TCF12: variants seen among roughly 807,000 people sequenced by gnomAD.
TCF12 encodes transcription factor 12, also known as DNA-binding protein HTF4.
Under a neutral mutation model 86.0 loss-of-function variants are expected in TCF12, and 45 were observed. The ratio of observed to expected loss-of-function variants is 0.52; its 90% confidence interval spans 0.41 to 0.67. The LOEUF is 0.67. Among genes scored for constraint, TCF12 ranks in the 30% least tolerant of loss-of-function variants. The pLI is 0.00. For synonymous variants in TCF12, 330 were observed against 299.6 expected, an observed-to-expected ratio of 1.10 and a Z score of -1.05; for missense variants, 881 against 859.9, an observed-to-expected ratio of 1.02 and a Z score of -0.31.
At chr15:57,206,136 T>A (rs182345168) in intron 8 of TCF12, among the ~76,000 whole-genome samples, 20 of 152,322 alleles carry the variant, frequency 1.3e-4, no homozygotes, top group Admixed American at 1.1e-3. Context: ...TATGGTTGAA[T>A]TATGTAAATG....
rs113919863 is a variant in TCF12, at chr15:57,155,519, G to GC, written c.326-10882dup. Among the ~76,000 whole-genome samples, 225 of 152,254 alleles carry GC rather than the reference G, an allele frequency of 1.5e-3. 5 individuals are homozygous for GC. Among genetic ancestry groups the GC allele is most frequent in the African/African-American group, 5.2e-3 (216 of 41,534 alleles). The stretch of plus-strand genomic sequence containing the variant: ...CCATATTTAAGTCTTAGCAGGCCAG[G>GC]CATGGTGGCTCACCCCTGTAATCCC... On this transcript the variant is annotated intron_variant, in intron 5 of 20. Coordinates refer to ENST00000333725, the MANE Select transcript of TCF12 (RefSeq NM_207037.2).
At chr15:57,181,093 C>T (rs1414950331) in intron 6 of TCF12, among the ~76,000 whole-genome samples, 7 of 151,962 alleles carry the variant, frequency 4.6e-5, no homozygotes, top group African/African-American at 1.7e-4. Flanking sequence ...GGATTACAGG[C>T]GTGAGCCACC....
At chr15:57,193,646 TTA>T (rs1455331909) in intron 7 of TCF12, among the ~76,000 whole-genome samples, 1 of 152,246 alleles carries the variant, frequency 6.6e-6, no homozygotes, top group African/African-American at 2.4e-5. Context: ...CACCAAAAGA[TTA>T]TGTCACATTT....
Position 57,262,094 on chromosome 15 carries a change from G to A in TCF12, c.1468G>A (p.Val490Ile), listed in dbSNP as rs1263744388. The A allele has an allele frequency of 1.2e-6, 2 of 1,606,696 alleles. No individual in the cohort carries two copies. The highest frequency in any genetic ancestry group is 2.2e-5 in the South Asian group (2 of 89,944). Residue 490 changes from valine to isoleucine, a missense_variant and splice_region_variant, in exon 17 of 21, where the codon GTT becomes ATT. By Grantham distance (29) the Val-to-Ile change is conservative (BLOSUM62 3). Around this residue, in one of 3 missense-constraint regions of TCF12, gnomAD observed 766 missense variants for 718.9 expected, o/e 1.07. Coordinates refer to ENST00000333725, the MANE Select transcript of TCF12 (RefSeq NM_207037.2). ...LVASSRSASM[V>I]GTHREDSVSL... ...ATTTTTGGGTTTTCCTTAACTTTAG[G>A]TTGGAACTCATCGGGAAGACTCTGT...
intron 8 of TCF12, among the ~76,000 whole-genome samples, chr15:57,213,280 C>T (rs949450411): frequency 6.6e-6 from 1 of 152,132 alleles, no homozygotes; most frequent in Non-Finnish European, 1.5e-5. Context: ...TAATAAGAAA[C>T]CATTCTTAAA....
In TCF12 at chr15:56,919,638, G is replaced by A. The variant is rs1438131119; in HGVS notation, c.-22-254G>A. On this transcript the variant is annotated intron_variant, in intron 1 of 20. Coordinates refer to ENST00000333725, the MANE Select transcript of TCF12 (RefSeq NM_207037.2). ...GGCAGAGACTGGCTCGGAAACTTGG[G>A]GGAGAGGCGGCGAGTTGCGGGAGCC... 1.3e-5 allele frequency: 4 copies of A among 311,920 alleles called. No individual in the cohort carries two copies. In the East Asian group the frequency reaches 2.4e-4, roughly 18 times the overall value. The allele number at this position is 311,920 out of a possible 1,614,324, so 19.3% of individuals were successfully genotyped here. A position where few individuals can be genotyped will look rare whatever the true frequency, so the allele number is the denominator to read the frequency against.
chr15:57,054,611 A>G (rs905282934), intron 3 of TCF12, among the ~76,000 whole-genome samples: 2 of 152,124 alleles, frequency 1.3e-5, no homozygotes, highest in Admixed American at 1.3e-4. Context: ...CTTCTTTCCC[A>G]GACAGAAGTG....
chr15:56,937,506 C>A (rs1021808383), intron 3 of TCF12, among the ~76,000 whole-genome samples: 11 of 151,886 alleles, frequency 7.2e-5, no homozygotes, highest in African/African-American at 2.7e-4. Flanking sequence ...CAGCAAACAG[C>A]AACAGTTTGA....
chr15:57,223,643 G>GTTTTTTTTTTTTTTGT (rs2058710732), intron 8 of TCF12, among the ~76,000 whole-genome samples: 6 of 69,658 alleles, frequency 8.6e-5, no homozygotes, highest in African/African-American at 2.9e-4. Flanking sequence ...TACCAATGAG[G>GTTTTTTTTTTTTTTGT]TTTTTTTTTT....
At chr15:57,211,966 GCACACACACACACCACACACACACACA>G (rs66642211) in intron 8 of TCF12, among the ~76,000 whole-genome samples, 96,468 of 140,802 alleles carry the variant, frequency 0.69, 33,022 homozygotes, top group Non-Finnish European at 0.79. Flanking sequence ...ACACACACAC[GCACACACACACACCACACACACACACA>G]CACACACACA....
chr15:57,176,864 G>A (rs1437494424), intron 6 of TCF12, among the ~76,000 whole-genome samples: 2 of 152,208 alleles, frequency 1.3e-5, no homozygotes, highest in Non-Finnish European at 2.9e-5. Flanking sequence ...TCAAAGAGTT[G>A]AATATTGGAC....
chr15:56,990,257 G>T (rs947404783), intron 3 of TCF12, among the ~76,000 whole-genome samples: 6 of 134,276 alleles, frequency 4.5e-5, no homozygotes, highest in Non-Finnish European at 7.6e-5. Flanking sequence ...GTGCGTGTGC[G>T]TGTGTGTGTG....
At chr15:57,050,864 A>C (rs957610489) in intron 3 of TCF12, among the ~76,000 whole-genome samples, 16 of 151,844 alleles carry the variant, frequency 1.1e-4, no homozygotes, top group Non-Finnish European at 2.9e-5. Context: ...TCTTTTTTTA[A>C]ATGGTTTTCT....
At position 57,163,498 on chromosome 15, in the gene TCF12, G is replaced by C. The variant is rs148588980; in HGVS notation, c.326-2904G>C. 2.6e-3 allele frequency among the ~76,000 whole-genome samples: 401 copies of C among 152,242 alleles called. 12 individuals carry two copies. Among genetic ancestry groups the C allele is most frequent in the Admixed American group, 0.024 (367 of 15,298 alleles). On this transcript the variant is annotated intron_variant, in intron 5 of 20. Coordinates refer to ENST00000333725, the MANE Select transcript of TCF12 (RefSeq NM_207037.2). ...GAGGGTTGCTTGAGCCCAGGAGTTT[G>C]AGACCAGCCTAGGCCATACTATGAG...
At chr15:56,967,311 A>G (rs1345106135) in intron 3 of TCF12, among the ~76,000 whole-genome samples, 1 of 152,166 alleles carries the variant, frequency 6.6e-6, no homozygotes, top group Non-Finnish European at 1.5e-5. Flanking sequence ...CAAAGAAAAA[A>G]AAAAACGCTG....
At chr15:57,013,527 G>T (rs1346795710) in intron 3 of TCF12, among the ~76,000 whole-genome samples, 3 of 152,094 alleles carry the variant, frequency 2.0e-5, no homozygotes, top group Non-Finnish European at 2.9e-5. Context: ...CACCATGTTG[G>T]CCAGGCTAAT....
intron 3 of TCF12, among the ~76,000 whole-genome samples, chr15:57,024,833 G>T (rs2065724449): frequency 6.6e-6 from 1 of 152,252 alleles, no homozygotes; most frequent in East Asian, 1.9e-4. Context: ...ACTTCCCTTT[G>T]GGATAAGGTA....
intron 3 of TCF12, among the ~76,000 whole-genome samples, chr15:57,014,657 C>T (rs2065040053): frequency 6.6e-6 from 1 of 152,152 alleles, no homozygotes; most frequent in African/African-American, 2.4e-5. Flanking sequence ...CTGCTAGGTA[C>T]ACCCTCCAGG....
At chr15:57,130,324 CAT>C (rs1290746797) in intron 5 of TCF12, among the ~76,000 whole-genome samples, 1 of 151,942 alleles carries the variant, frequency 6.6e-6, no homozygotes. Context: ...GGACCACTGA[CAT>C]ATATTATTGA....
Sources: gnomAD v4.1 joint callset for allele counts (sites outside exome capture counted in the v4.1 genomes callset) on GRCh38, gnomAD v4.1.1 for gene constraint, gnomAD v4.1.1 regional missense constraint, MANE v1.5 for transcripts, NCBI Gene and HGNC (gene_info 2026-07-23, HGNC 2026-07-21) for gene names.